ADGRL2: variants seen among roughly 807,000 people sequenced by gnomAD.
ADGRL2 encodes the protein adhesion G protein-coupled receptor L2, also known as calcium-independent alpha-latrotoxin receptor 2.
A neutral mutation model predicts 157.4 loss-of-function variants in ADGRL2; 44 were observed. The ratio of observed to expected loss-of-function variants is 0.28; its 90% CI spans 0.22 to 0.36. The LOEUF (loss-of-function observed/expected upper bound fraction) is 0.36, where lower values mean the gene tolerates loss of function less well. Ranked by LOEUF, ADGRL2 falls within the 10% of genes least tolerant of loss-of-function variation. ADGRL2 has a pLI of 1.00. For missense variants in ADGRL2, 1,510 were observed against 1,768.9 expected (o/e 0.85, Z 2.63); for synonymous variants, 585 against 624.7 (o/e 0.94, Z 0.95).
At chr1:81,574,298 A>G (rs1178570495) in intron 2 of ADGRL2, among the ~76,000 whole-genome samples, 1 of 152,128 alleles carries the variant, frequency 6.6e-6, no homozygotes, top group Non-Finnish European at 1.5e-5. Context: ...GAGATTGGTG[A>G]CTGACCAAAG....
rs747057492 is a variant in ADGRL2, at chr1:81,726,301, G to A, written c.-143+26493G>A. 3.9e-5 allele frequency among the ~76,000 whole-genome samples: 6 copies of A among 152,096 alleles called. No individual in the cohort carries two copies. The East Asian group carries it at 7.7e-4, about 20-fold the overall frequency. On this transcript the variant is annotated intron_variant, in intron 1 of 20. Coordinates refer to the ADGRL2 transcript ENST00000359929. ...CATCCTTCCCTGGACTCATCCCTGC[G>A]GCCAGTCACATGGGATTAATACTGG...
At chr1:81,601,702 T>A (rs1284305203) in intron 3 of ADGRL2, among the ~76,000 whole-genome samples, 1 of 152,192 alleles carries the variant, frequency 6.6e-6, no homozygotes, top group Non-Finnish European at 1.5e-5. Flanking sequence ...GCCAATTTCT[T>A]CCCAGTTAAT....
At chr1:81,447,107 C>T (rs549277863) in intron 2 of ADGRL2, among the ~76,000 whole-genome samples, 12 of 151,924 alleles carry the variant, frequency 7.9e-5, no homozygotes, top group Middle Eastern at 3.4e-3. Flanking sequence ...AAGGGGCAAA[C>T]GTTGGCAAAG....
At chr1:81,403,127 G>C (rs1355080654) in intron 1 of ADGRL2, among the ~76,000 whole-genome samples, 1 of 152,112 alleles carries the variant, frequency 6.6e-6, no homozygotes, top group Non-Finnish European at 1.5e-5. Context: ...AATCTTGGAA[G>C]ATGTCCTTGA....
intron 1 of ADGRL2, among the ~76,000 whole-genome samples, chr1:81,321,146 C>T (rs1660472143): frequency 6.6e-6 from 1 of 152,096 alleles, no homozygotes; most frequent in African/African-American, 2.4e-5. Context: ...ATAAGCCAAC[C>T]TCTGATAGTT....
chr1:81,685,508 C>T (rs1292029145), intron 3 of ADGRL2, among the ~76,000 whole-genome samples: 1 of 152,040 alleles, frequency 6.6e-6, no homozygotes, highest in South Asian at 2.1e-4. Flanking sequence ...TTGCTGAATT[C>T]TTTAATCAGT....
intron 2 of ADGRL2, among the ~76,000 whole-genome samples, chr1:81,547,543 A>T (rs2080048125): frequency 1.3e-5 from 2 of 151,868 alleles, no homozygotes; most frequent in Admixed American, 1.3e-4. Context: ...TTCATTTAAG[A>T]CTCGCTAGTA....
chr1:81,839,133 C>G (rs2092427847), intron 2 of ADGRL2, among the ~76,000 whole-genome samples: 1 of 151,872 alleles, frequency 6.6e-6, no homozygotes, highest in Admixed American at 6.6e-5. Flanking sequence ...ATGAATTTAA[C>G]CTTCAGCTAT....
At chr1:81,894,754 A>G (rs2094345283) in intron 2 of ADGRL2, among the ~76,000 whole-genome samples, 1 of 152,074 alleles carries the variant, frequency 6.6e-6, no homozygotes, top group African/African-American at 2.4e-5. Flanking sequence ...CTGTTGGAAA[A>G]TGCCTTGTTA....
intron 1 of ADGRL2, among the ~76,000 whole-genome samples, chr1:81,808,603 A>C (rs1433619419): frequency 6.6e-6 from 1 of 152,056 alleles, no homozygotes; most frequent in Non-Finnish European, 1.5e-5. Flanking sequence ...ATCAGTTGAT[A>C]TTTTAGATTA....
At chr1:81,370,030 C>G (rs1452043456) in intron 1 of ADGRL2, among the ~76,000 whole-genome samples, 2 of 152,046 alleles carry the variant, frequency 1.3e-5, no homozygotes, top group Admixed American at 6.6e-5. Context: ...CAAAGAAGTT[C>G]CTCTCTGTGT....
At chr1:81,470,362 C>G (rs74094012) in intron 2 of ADGRL2, among the ~76,000 whole-genome samples, 11,225 of 152,136 alleles carry the variant, frequency 0.074, 686 homozygotes, top group East Asian at 0.36. Flanking sequence ...CTGCTTCTAT[C>G]CCCCGGTGCT....
chr1:81,553,404 T>TTA (rs2080198348), intron 2 of ADGRL2, among the ~76,000 whole-genome samples: 1 of 152,208 alleles, frequency 6.6e-6, no homozygotes, highest in African/African-American at 2.4e-5. Context: ...TTTTCACATC[T>TTA]TTAATGCTCT....
intron 1 of ADGRL2, among the ~76,000 whole-genome samples, chr1:81,349,167 A>C (rs1662692523): frequency 6.6e-6 from 1 of 152,188 alleles, no homozygotes; most frequent in Non-Finnish European, 1.5e-5. Flanking sequence ...GGCTTAAATC[A>C]ATGCAAGCAA....
intron 2 of ADGRL2, among the ~76,000 whole-genome samples, chr1:81,576,244 A>G (rs2080795828): frequency 6.6e-6 from 1 of 152,116 alleles, no homozygotes; most frequent in Non-Finnish European, 1.5e-5. Flanking sequence ...TTTTCTAGGT[A>G]ATTAAAATGT....
intron 1 of ADGRL2, among the ~76,000 whole-genome samples, chr1:81,353,075 A>G (rs1424300207): frequency 6.6e-6 from 1 of 152,214 alleles, no homozygotes; most frequent in Non-Finnish European, 1.5e-5. Context: ...TTCTGCATAT[A>G]TATGTACGTT....
intron 23 of ADGRL2, among the ~76,000 whole-genome samples, chr1:81,989,175 C>T (rs1196584983): frequency 6.6e-6 from 1 of 152,144 alleles, no homozygotes; most frequent in Non-Finnish European, 1.5e-5. Flanking sequence ...TTATTTCCCC[C>T]TCCTAAACCT....
chr1:81,546,161 C>T (rs1269908191), intron 2 of ADGRL2, among the ~76,000 whole-genome samples: 1 of 152,154 alleles, frequency 6.6e-6, no homozygotes, highest in African/African-American at 2.4e-5. Flanking sequence ...AACTCTAAAG[C>T]TTAAGATGCA....
At chr1:81,790,024 G>A (rs1209109569) in intron 2 of ADGRL2, among the ~76,000 whole-genome samples, 1 of 151,970 alleles carries the variant, frequency 6.6e-6, no homozygotes, top group Non-Finnish European at 1.5e-5. Context: ...AAAATACCAG[G>A]GTGCAAAACA....
Sources: allele counts gnomAD v4.1 joint callset (sites outside exome capture counted in the v4.1 genomes callset), GRCh38; gene constraint gnomAD v4.1.1; transcripts MANE v1.5; gene names NCBI Gene and HGNC (gene_info 2026-07-23, HGNC 2026-07-21).